Variants in ERC2 observed in about 807,000 individuals in gnomAD.
The protein encoded by ERC2 is ELKS/RAB6-interacting/CAST family member 2.
ERC2 carries 42 observed loss-of-function variants against 114.8 expected under a neutral mutation model. That is an observed-to-expected ratio of 0.37 (90% CI 0.29 to 0.47). The LOEUF (loss-of-function observed/expected upper bound fraction) is 0.47, where lower values mean the gene tolerates loss of function less well. Ranked by LOEUF, ERC2 falls within the 20% of genes least tolerant of loss-of-function variation. The pLI, the probability that ERC2 is intolerant of heterozygous loss-of-function variation, is 0.99. For missense variants in ERC2, 939 were observed against 1,150.7 expected, an observed-to-expected ratio of 0.82 and a Z score of 2.66; for synonymous variants, 454 against 425.5, an observed-to-expected ratio of 1.07 and a Z score of -0.82.
intron 3 of ERC2, among the ~76,000 whole-genome samples, chr3:56,274,730 A>C (rs1382788158): frequency 6.6e-6 from 1 of 152,238 alleles, no homozygotes; most frequent in African/African-American, 2.4e-5. Context: ...AGGTTAGATT[A>C]CTGGCCCACA....
chr3:55,900,461 T>C (rs1475338997), intron 13 of ERC2, among the ~76,000 whole-genome samples: 1 of 152,208 alleles, frequency 6.6e-6, no homozygotes, highest in Non-Finnish European at 1.5e-5. Context: ...ACAAACCCAC[T>C]TTCTTATAAT....
At chr3:56,323,103 G>A (rs566757400) in intron 2 of ERC2, among the ~76,000 whole-genome samples, 1 of 152,284 alleles carries the variant, frequency 6.6e-6, no homozygotes, top group South Asian at 2.1e-4. Flanking sequence ...CTCTCACCAG[G>A]TAGGCTGACC....
At chr3:56,197,278 T>A (rs2048164809) in intron 3 of ERC2, among the ~76,000 whole-genome samples, 1 of 152,200 alleles carries the variant, frequency 6.6e-6, no homozygotes, top group African/African-American at 2.4e-5. Context: ...ATGGTGATAA[T>A]GCTTGCTTCA....
chr3:55,723,816 C>A (rs1559552719), intron 15 of ERC2, among the ~76,000 whole-genome samples: 1 of 152,194 alleles, frequency 6.6e-6, no homozygotes, highest in Non-Finnish European at 1.5e-5. Flanking sequence ...CACTTTAACA[C>A]AGCTTTTCAA....
intron 14 of ERC2, among the ~76,000 whole-genome samples, chr3:55,790,374 T>C (rs1247866429): frequency 6.6e-6 from 1 of 152,158 alleles, no homozygotes; most frequent in Non-Finnish European, 1.5e-5. Context: ...CACAATACAG[T>C]AATCATAGTT....
At chr3:55,817,693 C>A (rs2059958178) in intron 14 of ERC2, among the ~76,000 whole-genome samples, 2 of 152,178 alleles carry the variant, frequency 1.3e-5, no homozygotes, top group Admixed American at 1.3e-4. Flanking sequence ...ACTTGCAAGG[C>A]AAAGCAGTTA....
intron 14 of ERC2, among the ~76,000 whole-genome samples, chr3:55,835,759 T>C (rs2060848324): frequency 1.3e-5 from 2 of 152,074 alleles, no homozygotes; most frequent in South Asian, 2.1e-4. Flanking sequence ...CCAGGGCGAT[T>C]AGGCAGGAGA....
At chr3:55,798,398 A>G (rs528374831) in intron 14 of ERC2, among the ~76,000 whole-genome samples, 241 of 152,212 alleles carry the variant, frequency 1.6e-3, no homozygotes, top group African/African-American at 5.6e-3. Context: ...GGAGATCGAG[A>G]CCATCCTGGC....
At chr3:56,181,695 T>C (rs1366294266) in intron 3 of ERC2, among the ~76,000 whole-genome samples, 1 of 152,180 alleles carries the variant, frequency 6.6e-6, no homozygotes, top group African/African-American at 2.4e-5. Flanking sequence ...TTCTAACAAA[T>C]AGAATAAGGT....
At chr3:55,721,627 TA>T (rs1475589586) in intron 15 of ERC2, among the ~76,000 whole-genome samples, 1 of 152,246 alleles carries the variant, frequency 6.6e-6, no homozygotes, top group African/African-American at 2.4e-5. Flanking sequence ...AGAGCTGGGC[TA>T]GAACTCTTGG....
At chr3:55,585,186 T>C (rs1224866827) in intron 17 of ERC2, among the ~76,000 whole-genome samples, 1 of 152,144 alleles carries the variant, frequency 6.6e-6, no homozygotes, top group Non-Finnish European at 1.5e-5. Flanking sequence ...CTAAGACAAA[T>C]AGCACCCGGT....
intron 7 of ERC2, among the ~76,000 whole-genome samples, chr3:56,037,658 G>C (rs538365042): frequency 6.6e-6 from 1 of 152,146 alleles, no homozygotes; most frequent in Non-Finnish European, 1.5e-5. Context: ...AACTTCCCCA[G>C]TCTAGAAAGA....
rs74851207 is a variant in ERC2 at position 56,407,190 on chromosome 3, A to G, written c.657+27161T>C. 5.2e-3 allele frequency among the ~76,000 whole-genome samples: 790 copies of G among 152,350 alleles called. 4 individuals carry two copies. The highest frequency in any genetic ancestry group is 0.018 in the African/African-American group (757 of 41,580). ...CCACCCCCAAATTTAATAGACTATT[A>G]GTATTCCTATTGTGAACACTGTCCT... On this transcript the variant is annotated intron_variant, in intron 2 of 17. Coordinates refer to ENST00000288221, the MANE Select transcript of ERC2 (RefSeq NM_015576.3).
chr3:56,392,359 A>C (rs181303018), intron 2 of ERC2, among the ~76,000 whole-genome samples: 1 of 152,276 alleles, frequency 6.6e-6, no homozygotes, highest in African/African-American at 2.4e-5. Flanking sequence ...TGTTTATTTC[A>C]TTATGGTATT....
intron 2 of ERC2, among the ~76,000 whole-genome samples, chr3:56,373,481 T>C (rs1255247937): frequency 6.6e-6 from 1 of 152,218 alleles, no homozygotes. Flanking sequence ...CATCACTGTA[T>C]CACAAAAGCA....
intron 2 of ERC2, among the ~76,000 whole-genome samples, chr3:56,404,200 A>T (rs1475671502): frequency 2.6e-5 from 4 of 152,290 alleles, no homozygotes; most frequent in East Asian, 3.9e-4. Flanking sequence ...CATCTGTAAG[A>T]TTCTCTCTTG....
intron 14 of ERC2, among the ~76,000 whole-genome samples, chr3:55,817,169 C>T (rs557236863): frequency 2.6e-5 from 4 of 152,344 alleles, no homozygotes; most frequent in Non-Finnish European, 5.9e-5. Context: ...CCACCTTCTA[C>T]TATTATTCTT....
intron 14 of ERC2, among the ~76,000 whole-genome samples, chr3:55,808,701 TTATATATATATATATATATA>T (rs377604698): frequency 0.012 from 750 of 61,728 alleles, 30 homozygotes; most frequent in African/African-American, 0.045. Context: ...TACCATAATT[TTATATATATATATATATATA>T]TATATATATA....
At chr3:55,528,260 C>T (rs1394398988) in intron 17 of ERC2, among the ~76,000 whole-genome samples, 1 of 152,212 alleles carries the variant, frequency 6.6e-6, no homozygotes, top group Non-Finnish European at 1.5e-5. Flanking sequence ...GAAATGAAGG[C>T]ACAACCAAGT....
Sources: gnomAD v4.1 joint callset for allele counts (sites outside exome capture counted in the v4.1 genomes callset) on GRCh38, gnomAD v4.1.1 for gene constraint, MANE v1.5 for transcripts, NCBI Gene and HGNC (gene_info 2026-07-23, HGNC 2026-07-21) for gene names.